The following CD99L2 variants were observed in gnomAD, a reference collection of about 807,000 sequenced individuals.
CD99L2 encodes CD99 molecule like 2, also known as CD99 antigen-like protein 2.
A neutral mutation model predicts 27.3 loss-of-function variants in CD99L2; 24 were observed. That is an observed-to-expected ratio of 0.88 (90% CI 0.64 to 1.24). The LOEUF is 1.24. CD99L2 is among the 50% of genes most tolerant of loss of function. The pLI is 0.00. For missense variants in CD99L2, 255 were observed against 221.6 expected (o/e 1.15, Z -0.96); for synonymous variants, 97 against 87.9 (o/e 1.10, Z -0.58).
intron 1 of CD99L2, among the ~76,000 whole-genome samples, chrX:150,859,652 C>T (rs2046945135): frequency 9.2e-6 from 1 of 109,219 alleles, no homozygotes; most frequent in South Asian, 4.1e-4. Flanking sequence ...CACCTGCCAC[C>T]ACGCCCAGCT....
intron 4 of CD99L2, among the ~76,000 whole-genome samples, chrX:150,807,502 G>A (rs1459138226): frequency 1.8e-5 from 2 of 112,233 alleles, no homozygotes; most frequent in Non-Finnish European, 3.8e-5. Flanking sequence ...GGCTTGCAGC[G>A]CGACCTTGGA....
At chrX:150,785,827 C>A (rs1428997935) in intron 7 of CD99L2, among the ~76,000 whole-genome samples, 3 of 112,110 alleles carry the variant, frequency 2.7e-5, no homozygotes, top group Non-Finnish European at 5.6e-5. Flanking sequence ...GTAACTCATC[C>A]CATTGCAATA....
At chrX:150,883,427 A>C (rs151302838) in intron 1 of CD99L2, among the ~76,000 whole-genome samples, 1 of 111,112 alleles carries the variant, frequency 9.0e-6, no homozygotes, top group Non-Finnish European at 1.9e-5. Flanking sequence ...TCTCATATTA[A>C]GCTGGGACCC....
intron 7 of CD99L2, 147 bp from the exon 8 acceptor site, chrX:150,777,629 C>CGGTGGCAGGGTGGGGGGGTATTGATAGT: frequency 1.7e-6 from 1 of 581,329 alleles, no homozygotes; most frequent in Non-Finnish European, 2.7e-6. Context: ...TAGGCTTCTA[C>CGGTGGCAGGGTGGGGGGGTATTGATAGT]TGGACTGCAA....
Position 150,806,719 on chromosome X carries a change from C to T in CD99L2, c.277+8143G>A, listed in dbSNP as rs781830271. 5.4e-5 allele frequency among the ~76,000 whole-genome samples: 6 copies of T among 110,498 alleles called. No individual in the cohort carries two copies. In the South Asian group the frequency reaches 1.2e-3, roughly 22 times the overall value. Reference sequence around the variant, plus strand: ...CAGCCTGGCCAACATGGTGAAAACCCGTCTCTACTAAAAACACAAAAATTA... The same window carrying T: ...CAGCCTGGCCAACATGGTGAAAACCTGTCTCTACTAAAAACACAAAAATTA... On this transcript the variant is annotated intron_variant, in intron 4 of 10. Transcript: ENST00000370377.
intron 3 of CD99L2, 36 bp from the exon 4 acceptor site, chrX:150,814,972 A>G: frequency 8.3e-7 from 1 of 1,200,537 alleles, no homozygotes. Flanking sequence ...GAAACAGCCA[A>G]CTGATTAACA....
At position 150,769,065 on chromosome X, in the gene CD99L2, G is replaced by A. The variant is rs148827569; in HGVS notation, c.758C>T (p.Pro253Leu). 7.4e-4 allele frequency: 853 copies of A among 1,157,646 alleles called. No homozygotes were observed. The highest frequency in any genetic ancestry group is 8.9e-4 in the Non-Finnish European group (784 of 876,703). Residue 253 changes from proline (P) to leucine (L), a missense_variant, in exon 11 of 11, where the codon CCG (proline) becomes CTG (leucine). Physicochemically the swap from Pro to Leu is moderately conservative, Grantham distance 98. Transcript: ENST00000370377. ...YSTLHTQSAE[P>L]PPPPEPARI ...CCGGGCTGGTTCGGGCGGCGGCGGCGGCTCTGCAGACTGCGTGTGCAACGT... is the reference window on the plus strand; with the variant it reads ...CCGGGCTGGTTCGGGCGGCGGCGGCAGCTCTGCAGACTGCGTGTGCAACGT...
intron 1 of CD99L2, among the ~76,000 whole-genome samples, chrX:150,857,789 C>T (rs947649362): frequency 1.4e-4 from 16 of 112,080 alleles, no homozygotes; most frequent in African/African-American, 5.2e-4. Context: ...AAACAACATA[C>T]AAAACAACTA....
intron 1 of CD99L2, among the ~76,000 whole-genome samples, chrX:150,859,499 C>CT (rs111395631): frequency 9.2e-4 from 89 of 96,868 alleles, no homozygotes; most frequent in Admixed American, 2.0e-3. Context: ...AACTCTGTCT[C>CT]TTTTTTTTTT....
At chrX:150,861,965 C>T (rs1025403677) in intron 1 of CD99L2, among the ~76,000 whole-genome samples, 1 of 107,461 alleles carries the variant, frequency 9.3e-6, no homozygotes, top group Non-Finnish European at 1.9e-5. Flanking sequence ...CGCAAATAAA[C>T]TAGAAAATCT....
At chrX:150,793,236 G>C (rs1421273619) in intron 7 of CD99L2, among the ~76,000 whole-genome samples, 4 of 112,105 alleles carry the variant, frequency 3.6e-5, no homozygotes, top group Middle Eastern at 4.6e-3. Context: ...ACAACTTCTT[G>C]TGAGAACCAT....
chrX:150,824,420 G>T lies in CD99L2; in HGVS notation c.130+6811C>A, dbSNP rs1239514640. ...AGAAGAAAGAAGAAGAAAAGAAGAA[G>T]AAAAGAGAAGAAGAAGAAAGAAGAA... On this transcript the variant is annotated intron_variant, in intron 2 of 10. Transcript: ENST00000370377. Among the ~76,000 whole-genome samples the T allele has an allele frequency of 4.2e-5, 4 of 94,887 alleles. No individual in the cohort carries two copies. The East Asian group carries it at 1.3e-3, about 32-fold the overall frequency. 82.4% of individuals were successfully genotyped at this position (94,887 alleles called of 115,157 possible).
At chrX:150,805,007 G>A (rs146678118) in intron 4 of CD99L2, among the ~76,000 whole-genome samples, 8 of 111,747 alleles carry the variant, frequency 7.2e-5, no homozygotes, top group East Asian at 5.6e-4. Context: ...GCAACATGGT[G>A]AGACCCTGTC....
At position 150,874,259 on chromosome X, in the gene CD99L2, G is replaced by A. The variant is rs782556277; in HGVS notation, c.67+24263C>T. Among the ~76,000 whole-genome samples, 4 of 112,389 alleles carry A rather than the reference G, an allele frequency of 3.6e-5. No homozygotes were observed. In the South Asian group the frequency reaches 1.5e-3, roughly 42 times the overall value. Reference sequence around the variant, plus strand: ...TAGCATTGGAGCTAGGCTCAGAGACGTGAGCAGCCATTCTCTGGGAGCAGA... The same window carrying A: ...TAGCATTGGAGCTAGGCTCAGAGACATGAGCAGCCATTCTCTGGGAGCAGA... On this transcript the variant is annotated intron_variant, in intron 1 of 10. Coordinates refer to ENST00000370377, the MANE Select transcript of CD99L2 (RefSeq NM_031462.4).
intron 7 of CD99L2, among the ~76,000 whole-genome samples, chrX:150,791,064 T>C (rs1044354798): frequency 1.2e-4 from 13 of 111,232 alleles, no homozygotes; most frequent in African/African-American, 9.8e-5. Flanking sequence ...AACAAGAAGA[T>C]AGCCATCTCC....
At chrX:150,785,268 A>G (rs1461642621) in intron 7 of CD99L2, among the ~76,000 whole-genome samples, 1 of 110,440 alleles carries the variant, frequency 9.1e-6, no homozygotes, top group East Asian at 2.8e-4. Context: ...TTTCACCAAC[A>G]TCTAATTAAG....
intron 4 of CD99L2, among the ~76,000 whole-genome samples, chrX:150,804,074 C>G (rs1445270585): frequency 8.9e-6 from 1 of 112,247 alleles, no homozygotes; most frequent in African/African-American, 3.2e-5. Flanking sequence ...AACAGACATA[C>G]ACAAAACATT....
chrX:150,793,667 GT>G (rs782385956), intron 7 of CD99L2, 23 bp downstream of exon 7: 1 of 1,161,342 alleles, frequency 8.6e-7, no homozygotes, highest in South Asian at 2.0e-5. Context: ...TAAGGGTTGT[GT>G]TGGCACAAAT....
At chrX:150,771,733 C>T in intron 9 of CD99L2, 1 of 1,099,133 alleles carries the variant, frequency 9.1e-7, no homozygotes, top group African/African-American at 1.8e-5. Flanking sequence ...AAGGAAGCGC[C>T]AGAGCAGGGG....
Sources: gnomAD v4.1 joint callset for allele counts (sites outside exome capture counted in the v4.1 genomes callset) on GRCh38, gnomAD v4.1.1 for gene constraint, MANE v1.5 for transcripts, NCBI Gene and HGNC (gene_info 2026-07-23, HGNC 2026-07-21) for gene names.